Variants in TAF1B observed in about 807,000 individuals in gnomAD.
TAF1B encodes the protein TATA box-binding protein-associated factor RNA polymerase I subunit B.
In TAF1B, 61 loss-of-function variants were observed where a neutral mutation model predicts 83.9. The ratio of observed to expected loss-of-function variants is 0.73; its 90% CI spans 0.59 to 0.90. The LOEUF is 0.90. Among genes scored for constraint, TAF1B ranks in the 40% least tolerant of loss-of-function variants. TAF1B has a pLI of 0.00. For synonymous variants in TAF1B, 221 were observed against 224.6 expected (o/e 0.98, Z 0.14); for missense variants, 625 against 677.0 (o/e 0.92, Z 0.85).
intron 1 of TAF1B, 183 bp downstream of exon 1, chr2:9,843,742 T>C (rs1401237435): frequency 1.7e-6 from 1 of 598,770 alleles, no homozygotes; most frequent in African/African-American, 2.0e-5. Context: ...CGCGCGGCTT[T>C]GGTAAAGAGG....
chr2:9,873,223 G>T (rs542476368), intron 6 of TAF1B, among the ~76,000 whole-genome samples: 1 of 152,162 alleles, frequency 6.6e-6, no homozygotes, highest in African/African-American at 2.4e-5. Flanking sequence ...CCTTCAGGGT[G>T]TTTATATTGT....
At position 9,933,784 on chromosome 2, in the gene TAF1B, T is replaced by A; in HGVS notation, c.1567T>A (p.Tyr523Asn). The change falls in exon 15 of 15, where the codon TAT becomes AAT. Residue 523 changes from tyrosine (Y) to asparagine (N), a missense_variant and splice_region_variant. Tyr to Asn is a moderately radical substitution (Grantham distance 143, BLOSUM62 -2). Coordinates refer to ENST00000263663, the MANE Select transcript of TAF1B (RefSeq NM_005680.3). Reference sequence around the variant, plus strand: ...TTCTTTTTTCTTTTTCCCTTCTAGCTATTGTACACATGTGACAACCTATGA... The same window carrying A: ...TTCTTTTTTCTTTTTCCCTTCTAGCAATTGTACACATGTGACAACCTATGA... ...WLSTQKFCRCYCTHVTTYEES... is the reference protein window; with the variant it reads ...WLSTQKFCRCNCTHVTTYEES... 6.2e-7 allele frequency: 1 copy of A among 1,606,068 alleles called. No homozygotes were observed. Among genetic ancestry groups the A allele is most frequent in the Non-Finnish European group, 8.5e-7 (1 of 1,177,254 alleles).
intron 2 of TAF1B, among the ~76,000 whole-genome samples, chr2:9,846,690 T>C (rs1183888829): frequency 1.3e-5 from 2 of 152,228 alleles, no homozygotes; most frequent in African/African-American, 2.4e-5. Context: ...CTTGAGGCAG[T>C]GTTCTTGAGT....
At chr2:9,877,540 G>T (rs1040853259) in intron 7 of TAF1B, among the ~76,000 whole-genome samples, 2 of 151,922 alleles carry the variant, frequency 1.3e-5, no homozygotes, top group Admixed American at 6.6e-5. Flanking sequence ...CCCTCATTTG[G>T]ATTGCTTAAC....
At chr2:9,852,028 G>A (rs546964322) in intron 4 of TAF1B, 25 of 473,072 alleles carry the variant, frequency 5.3e-5, no homozygotes, top group East Asian at 2.1e-4. Context: ...TGTACATAAC[G>A]TCCATCAGGA....
intron 5 of TAF1B, among the ~76,000 whole-genome samples, chr2:9,865,375 A>G: frequency 6.6e-6 from 1 of 152,210 alleles, no homozygotes; most frequent in East Asian, 1.9e-4. Context: ...TAGGAATCCA[A>G]CTTACAAGGC....
chr2:9,908,157 T>A (rs1665409552), intron 9 of TAF1B, among the ~76,000 whole-genome samples: 1 of 141,392 alleles, frequency 7.1e-6, no homozygotes, highest in Non-Finnish European at 1.5e-5. Context: ...ACCATTCTCC[T>A]GCCTCAGCCT....
At chr2:9,933,095 A>G (rs1666266983) in intron 14 of TAF1B, among the ~76,000 whole-genome samples, 1 of 152,210 alleles carries the variant, frequency 6.6e-6, no homozygotes, top group African/African-American at 2.4e-5. Flanking sequence ...TCCCTTGGCT[A>G]GGAAAGGGAA....
At chr2:9,849,229 A>G (rs968809734) in intron 2 of TAF1B, 144 bp from the exon 3 acceptor site, 2 of 583,236 alleles carry the variant, frequency 3.4e-6, no homozygotes, top group African/African-American at 1.9e-5. Flanking sequence ...AGAATGTTAA[A>G]TGTTTATAAT....
intron 5 of TAF1B, among the ~76,000 whole-genome samples, chr2:9,866,511 T>A (rs1456215803): frequency 1.3e-5 from 2 of 152,142 alleles, no homozygotes; most frequent in Non-Finnish European, 2.9e-5. Context: ...GTTCAACCAT[T>A]GTGGAAGTCA....
chr2:9,858,915 A>G (rs1348258088), intron 5 of TAF1B, among the ~76,000 whole-genome samples: 1 of 152,186 alleles, frequency 6.6e-6, no homozygotes, highest in Admixed American at 6.5e-5. Flanking sequence ...GGCTGTCTCG[A>G]AGATCTCTGA....
At chr2:9,912,375 C>G (rs533436630) in intron 11 of TAF1B, among the ~76,000 whole-genome samples, 9 of 41,742 alleles carry the variant, frequency 2.2e-4, no homozygotes, top group African/African-American at 3.5e-4. Context: ...TCTTAATGTT[C>G]TGTTCTCATT....
intron 14 of TAF1B, among the ~76,000 whole-genome samples, chr2:9,927,744 T>C (rs565288492): frequency 9.8e-4 from 150 of 152,366 alleles, no homozygotes; most frequent in African/African-American, 3.5e-3. Flanking sequence ...TTTGTTTAAG[T>C]TCTTTGTAGA....
intron 2 of TAF1B, among the ~76,000 whole-genome samples, chr2:9,847,318 C>T (rs1183407594): frequency 6.6e-6 from 1 of 152,170 alleles, no homozygotes; most frequent in East Asian, 1.9e-4. Flanking sequence ...TTACGTGTTG[C>T]ACAACTTCAG....
intron 5 of TAF1B, among the ~76,000 whole-genome samples, chr2:9,855,768 T>TA (rs1246564452): frequency 3.3e-5 from 5 of 152,232 alleles, no homozygotes; most frequent in Non-Finnish European, 7.3e-5. Context: ...TCAGGACACT[T>TA]ACATTAGACT....
intron 9 of TAF1B, among the ~76,000 whole-genome samples, chr2:9,906,569 G>A (rs1665350159): frequency 6.6e-6 from 1 of 152,264 alleles, no homozygotes; most frequent in African/African-American, 2.4e-5. Flanking sequence ...TGTTGTGTAC[G>A]TTCAGTGGAA....
intron 5 of TAF1B, among the ~76,000 whole-genome samples, chr2:9,857,952 C>A (rs1326675226): frequency 6.6e-6 from 1 of 152,120 alleles, no homozygotes; most frequent in African/African-American, 2.4e-5. Flanking sequence ...TATCATTCCA[C>A]CCCTGCCCCC....
rs551346300 is a variant in TAF1B at position 9,912,595 on chromosome 2, A to G, written c.1181-564A>G. Among the ~76,000 whole-genome samples, 7 of 152,330 alleles carry G rather than the reference A, an allele frequency of 4.6e-5. No individual in the cohort carries two copies. In the South Asian group the frequency reaches 1.4e-3, roughly 32 times the overall value. On this transcript the variant is annotated intron_variant, in intron 11 of 14. Coordinates refer to ENST00000263663, the MANE Select transcript of TAF1B (RefSeq NM_005680.3). ...TTTACTACGTAGACATGTAGAATAAACAGAGCGCTTTGACCTGTCTCCCTG... is the reference window on the plus strand; with the variant it reads ...TTTACTACGTAGACATGTAGAATAAGCAGAGCGCTTTGACCTGTCTCCCTG...
chr2:9,873,265 TAAAG>T (rs1054033841), intron 6 of TAF1B, among the ~76,000 whole-genome samples: 34 of 152,266 alleles, frequency 2.2e-4, no homozygotes, highest in Non-Finnish European at 4.0e-4. Flanking sequence ...AACGACCAAA[TAAAG>T]AACATTTTAG....
Sources: gnomAD v4.1 joint callset for allele counts (sites outside exome capture counted in the v4.1 genomes callset) on GRCh38, gnomAD v4.1.1 for gene constraint, MANE v1.5 for transcripts, NCBI Gene and HGNC (gene_info 2026-07-23, HGNC 2026-07-21) for gene names.